PITRM1: variants seen among roughly 807,000 people sequenced by gnomAD.
PITRM1 encodes the protein pitrilysin metallopeptidase 1, also known as presequence protease, mitochondrial.
A neutral mutation model predicts 129.9 loss-of-function variants in PITRM1; 100 were observed. The ratio of observed to expected loss-of-function variants is 0.77; its 90% CI spans 0.65 to 0.91. The LOEUF is 0.91. Ranked by LOEUF, PITRM1 falls within the 40% of genes least tolerant of loss-of-function variation. The pLI, the probability that PITRM1 is intolerant of heterozygous loss-of-function variation, is 0.00. For synonymous variants in PITRM1, 591 were observed against 508.8 expected (o/e 1.16, Z -2.17); for missense variants, 1,471 against 1,318.3 (o/e 1.12, Z -1.79).
At position 3,170,121 on chromosome 10, in the gene PITRM1, C is replaced by T; in HGVS notation, c.142G>A (p.Gly48Arg). The T allele has an allele frequency of 6.2e-7, 1 of 1,613,304 alleles. No homozygotes were observed. Among genetic ancestry groups the T allele is most frequent in the Non-Finnish European group, 8.5e-7 (1 of 1,179,254 alleles). The change falls in exon 2 of 27, where the codon GGA (glycine) becomes AGA (arginine). Residue 48 changes from glycine (G) to arginine (R), a missense_variant. Coordinates refer to ENST00000224949, the MANE Select transcript of PITRM1 (RefSeq NM_014889.4). Reference protein sequence around the residue: ...LQYKLGDKIHGFTVNQVTSVP... With the variant: ...LQYKLGDKIHRFTVNQVTSVP... ...ACCCATACCTGGTTTACGGTGAATC[C>T]ATGGATCTTGTCTCCTAGTTTATAC...
At position 3,144,338 on chromosome 10, in the gene PITRM1, T is replaced by A. The variant is rs1192849666; in HGVS notation, c.2486A>T (p.Asp829Val). 1.3e-6 allele frequency: 2 copies of A among 1,561,588 alleles called. No homozygotes were observed. The highest frequency in any genetic ancestry group is 2.4e-5 in the South Asian group (2 of 84,720). The change falls in exon 22 of 27, where the codon GAT (aspartate) becomes GTT (valine). Residue 829 changes from aspartate to valine, a missense_variant. Physicochemically the swap from Asp to Val is radical, Grantham distance 152. Transcript: ENST00000224949. ...EKPVPSSSGGDAHVPHGSQVI... is the reference protein window; with the variant it reads ...EKPVPSSSGGVAHVPHGSQVI... The stretch of plus-strand genomic sequence containing the variant: ...CTGGGAGCCATGGGGAACGTGGGCA[T>A]CTCCACCAGAGCTGCTGGGCACAGG...
In PITRM1 at chr10:3,159,253, C is replaced by T. The variant is rs61698058; in HGVS notation, c.1008-211G>A. ...ACCATCAAATTAACTTCACTGCACACGAAATGCTCACCATGGGACAGCCTG... is the reference window on the plus strand; with the variant it reads ...ACCATCAAATTAACTTCACTGCACATGAAATGCTCACCATGGGACAGCCTG... On this transcript the variant is annotated intron_variant, in intron 9 of 26. Coordinates refer to ENST00000224949, the MANE Select transcript of PITRM1 (RefSeq NM_014889.4). 5.3e-4 allele frequency among the ~76,000 whole-genome samples: 81 copies of T among 152,298 alleles called. No homozygotes were observed. In the East Asian group the frequency reaches 0.011, roughly 21 times the overall value.
In PITRM1 at chr10:3,155,742, C is replaced by T. The variant is rs371886458; in HGVS notation, c.1483-13G>A. 1 of 1,613,296 alleles carries T rather than the reference C, an allele frequency of 6.2e-7. No individual in the cohort carries two copies. Among genetic ancestry groups the T allele is most frequent in the South Asian group, 1.1e-5 (1 of 91,064 alleles). ...TATGCTGGTTATTCTGCAGCAATCA[C>T]AGCAACAACAAAAGCCAAGTGAAAA... On this transcript the variant is annotated splice_polypyrimidine_tract_variant and intron_variant, in intron 13 of 26. Transcript: ENST00000224949.
intron 14 of PITRM1, among the ~76,000 whole-genome samples, chr10:3,154,434 C>A (rs1841796828): frequency 7.7e-6 from 1 of 129,528 alleles, no homozygotes; most frequent in South Asian, 2.8e-4. Context: ...TGAGCATTCC[C>A]CCTGCCTCTC....
intron 24 of PITRM1, among the ~76,000 whole-genome samples, chr10:3,139,313 C>T (rs894529487): frequency 2.0e-5 from 3 of 152,216 alleles, no homozygotes; most frequent in African/African-American, 7.2e-5. Context: ...AAATACACTT[C>T]TCTGTGACCT....
intron 1 of PITRM1, among the ~76,000 whole-genome samples, 157 bp from the exon 2 acceptor site, chr10:3,170,363 T>A (rs1843231860): frequency 6.6e-6 from 1 of 152,208 alleles, no homozygotes; most frequent in African/African-American, 2.4e-5. Flanking sequence ...GAAAACTGAT[T>A]TCTGGTAAGG....
At chr10:3,151,591 A>G (rs763727411) in intron 14 of PITRM1, among the ~76,000 whole-genome samples, 3 of 152,220 alleles carry the variant, frequency 2.0e-5, no homozygotes, top group Admixed American at 6.5e-5. Flanking sequence ...CTCATTTTCA[A>G]TTATTAAGGA....
At chr10:3,166,567 TAA>T (rs1278376501) in intron 3 of PITRM1, among the ~76,000 whole-genome samples, 187 bp from the exon 4 acceptor site, 1 of 152,238 alleles carries the variant, frequency 6.6e-6, no homozygotes, top group African/African-American at 2.4e-5. Flanking sequence ...GATGAGATTA[TAA>T]GTCAGTGTAA....
intron 2 of PITRM1, 149 bp from the exon 3 acceptor site, chr10:3,167,191 C>A: frequency 3.5e-6 from 2 of 578,166 alleles, no homozygotes; most frequent in Non-Finnish European, 6.2e-6. Context: ...AGAAGAGAAC[C>A]ATCTTGTCCA....
intron 2 of PITRM1, among the ~76,000 whole-genome samples, chr10:3,168,805 C>T (rs537050994): frequency 2.7e-4 from 41 of 152,210 alleles, no homozygotes; most frequent in Non-Finnish European, 8.8e-5. Flanking sequence ...TTATAAATTA[C>T]CCAGTCTTGG....
At chr10:3,146,127 C>G (rs9423703) in intron 20 of PITRM1, 117,575 of 168,474 alleles carry the variant, frequency 0.7, 41,153 homozygotes, top group East Asian at 0.74. Flanking sequence ...ACATTATAAA[C>G]TGCAAAAAAA....
At chr10:3,158,506 C>T (rs187350231) in intron 10 of PITRM1, among the ~76,000 whole-genome samples, 2,707 of 152,080 alleles carry the variant, frequency 0.018, 38 homozygotes, top group Non-Finnish European at 0.029. Flanking sequence ...GCCGAGATCG[C>T]GTCACTGCAC....
At chr10:3,161,075 T>C (rs1162494706) in intron 7 of PITRM1, among the ~76,000 whole-genome samples, 2 of 152,074 alleles carry the variant, frequency 1.3e-5, no homozygotes, top group Non-Finnish European at 2.9e-5. Flanking sequence ...AATTTTTAAG[T>C]TTTAGAGGTG....
rs1841316988 is a variant in PITRM1 at position 3,149,750 on chromosome 10, C to G, written c.1742G>C (p.Gly581Ala). Residue 581 changes from glycine (G) to alanine (A), a missense_variant, in exon 16 of 27, where the codon GGA (glycine) becomes GCA (alanine). By Grantham distance (60) the Gly-to-Ala change is moderately conservative. Transcript: ENST00000224949. ...VTELDVVLTA[G>A]DIPVQYCAQP... is the part of the protein sequence containing the mutation. ...GGCGCAGTACTGAACAGGGATATCTCCAGCTAGAAAAACAAAAGGGATTTA... is the reference window on the plus strand; with the variant it reads ...GGCGCAGTACTGAACAGGGATATCTGCAGCTAGAAAAACAAAAGGGATTTA... 1 of 1,613,568 alleles carries G rather than the reference C, an allele frequency of 6.2e-7. No individual in the cohort carries two copies.
chr10:3,172,359 G>A (rs575903371), intron 1 of PITRM1: 28 of 487,088 alleles, frequency 5.7e-5, no homozygotes, highest in South Asian at 4.4e-4. Context: ...TTAAGGACTC[G>A]GCCTCCCAAC....
chr10:3,142,118 C>T (rs1380450835), intron 23 of PITRM1, among the ~76,000 whole-genome samples: 1 of 152,232 alleles, frequency 6.6e-6, no homozygotes, highest in Non-Finnish European at 1.5e-5. Context: ...TGTTTTCTGT[C>T]TACATTTTCC....
At chr10:3,145,428 G>C in intron 21 of PITRM1, 168 bp downstream of exon 21, 1 of 634,974 alleles carries the variant, frequency 1.6e-6, no homozygotes, top group African/African-American at 1.8e-5. Flanking sequence ...GCCCAACACT[G>C]CACAAGATAC....
At chr10:3,144,215 T>C (rs1035750632) in intron 22 of PITRM1, 77 bp downstream of exon 22, 10 of 811,046 alleles carry the variant, frequency 1.2e-5, no homozygotes, top group East Asian at 5.4e-5. Flanking sequence ...CGGAGGAACA[T>C]TCGAACATCA....
chr10:3,160,337 T>A lies in PITRM1; in HGVS notation c.792-7A>T, dbSNP rs1842343585. 3.7e-6 allele frequency: 6 copies of A among 1,600,760 alleles called. No homozygotes were observed. In the East Asian group the frequency reaches 1.3e-4, roughly 36 times the overall value. On this transcript the variant is annotated splice_polypyrimidine_tract_variant and splice_region_variant and intron_variant, in intron 7 of 26. Coordinates refer to ENST00000224949, the MANE Select transcript of PITRM1 (RefSeq NM_014889.4). ...ATTACCGTACGTGAAGAACCTAAAA[T>A]TTTAAGGGAATATAATTAGTCTGTT...
Sources: allele counts gnomAD v4.1 joint callset (sites outside exome capture counted in the v4.1 genomes callset), GRCh38; gene constraint gnomAD v4.1.1; transcripts MANE v1.5; gene names NCBI Gene and HGNC (gene_info 2026-07-23, HGNC 2026-07-21).